NECTIN1: variants seen among roughly 807,000 people sequenced by gnomAD.
The protein encoded by NECTIN1 is nectin-1.
NECTIN1 carries 23 observed loss-of-function variants against 48.0 expected under a neutral mutation model. The observed-to-expected ratio is 0.48, with a 90% CI of 0.34 to 0.68. The LOEUF (loss-of-function observed/expected upper bound fraction) is 0.68, where lower values mean the gene tolerates loss of function less well. Ranked by LOEUF, NECTIN1 falls within the 30% of genes least tolerant of loss-of-function variation. The pLI is 0.01. For synonymous variants in NECTIN1, 270 were observed against 288.9 expected (o/e 0.93, Z 0.66); for missense variants, 591 against 709.9 (o/e 0.83, Z 1.90).
chr11:119,647,161 ATGTGTGTGTGTGTGTGTGTGTG>A lies in NECTIN1; in HGVS notation c.1004-7171_1004-7150del, dbSNP rs58590467. ...GATGAGGGGCCAGAGCTTGCGGCGC[ATGTGTGTGTGTGTGTGTGTGTG>A]TGTGTGTGTGTGTGTGTGTGTGTGT... On this transcript the variant is annotated intron_variant, in intron 5 of 7. Transcript: ENST00000341398. Among the ~76,000 whole-genome samples, 242 of 84,782 alleles carry A rather than the reference ATGTGTGTGTGTGTGTGTGTGTG, an allele frequency of 2.9e-3. 1 individual carries two copies. Among genetic ancestry groups the A allele is most frequent in the Middle Eastern group, 0.014 (2 of 144 alleles). The allele number at this position is 84,782 out of a possible 152,430, so 55.6% of individuals were successfully genotyped here.
chr11:119,692,500 C>T (rs923012179), intron 1 of NECTIN1, among the ~76,000 whole-genome samples: 2 of 152,158 alleles, frequency 1.3e-5, no homozygotes, highest in Non-Finnish European at 2.9e-5. Flanking sequence ...AAGGTTGGGC[C>T]CATGCCCTTA....
chr11:119,688,569 C>T (rs1865200271), intron 1 of NECTIN1, among the ~76,000 whole-genome samples: 2 of 152,188 alleles, frequency 1.3e-5, no homozygotes, highest in Non-Finnish European at 2.9e-5. Context: ...GCTGCATCTC[C>T]CATGGCAGGC....
In NECTIN1 at chr11:119,709,818, A is replaced by G. The variant is rs1313184730; in HGVS notation, c.79+18657T>C. 6.6e-6 allele frequency: 1 copy of G among 152,276 alleles called. No individual in the cohort carries two copies. The highest frequency in any genetic ancestry group is 1.5e-5 in the Non-Finnish European group (1 of 68,094). The allele number at this position is 152,276 out of a possible 1,614,324, so 9.4% of individuals were successfully genotyped here. ...TAGCTGGTTTTTCCCAGCATCCCCCAGGCCACTTCTCTCACCACAAACCTC... is the reference window on the plus strand; with the variant it reads ...TAGCTGGTTTTTCCCAGCATCCCCCGGGCCACTTCTCTCACCACAAACCTC... On this transcript the variant is annotated intron_variant, in intron 1 of 5. Coordinates refer to ENST00000264025, the MANE Select transcript of NECTIN1 (RefSeq NM_002855.5). The surrounding 1 kb of genome is among the most constrained non-coding windows in gnomAD (Gnocchi z 4.1).
At chr11:119,700,439 A>G (rs1406471673) in intron 1 of NECTIN1, among the ~76,000 whole-genome samples, 1 of 152,190 alleles carries the variant, frequency 6.6e-6, no homozygotes, top group Non-Finnish European at 1.5e-5. Flanking sequence ...TCTCTTTCCA[A>G]GCCTCAGTTT....
At chr11:119,638,702 G>A (rs1315957398) in intron 7 of NECTIN1, 9 of 1,599,070 alleles carry the variant, frequency 5.6e-6, no homozygotes, top group Non-Finnish European at 6.9e-6. Flanking sequence ...GCAGTCCAGG[G>A]ACCTTGTCCT....
At chr11:119,644,462 G>A (rs1250135813) in intron 5 of NECTIN1, among the ~76,000 whole-genome samples, 1 of 152,176 alleles carries the variant, frequency 6.6e-6, no homozygotes, top group Non-Finnish European at 1.5e-5. Flanking sequence ...GGTGGGAAGC[G>A]AGCCCAGACA....
intron 1 of NECTIN1, among the ~76,000 whole-genome samples, chr11:119,686,680 G>GCGAAAACC (rs757252648): frequency 2.7e-4 from 41 of 152,220 alleles, no homozygotes; most frequent in Admixed American, 1.3e-3. Flanking sequence ...TGCTGCCTCG[G>GCGAAAACC]CGAAAACCGC....
At chr11:119,701,341 G>T (rs3902806) in intron 1 of NECTIN1, among the ~76,000 whole-genome samples, 91,259 of 151,924 alleles carry the variant, frequency 0.6, 27,754 homozygotes, top group South Asian at 0.66. Context: ...AGTGCTTGTC[G>T]CAGGCCATCC....
chr11:119,718,764 T>C (rs1173076793), intron 1 of NECTIN1, among the ~76,000 whole-genome samples: 1 of 152,214 alleles, frequency 6.6e-6, no homozygotes, highest in Non-Finnish European at 1.5e-5. Context: ...CATTCCACTC[T>C]GGCACAGCCA....
intron 1 of NECTIN1, among the ~76,000 whole-genome samples, chr11:119,714,510 G>A (rs536825865): frequency 2.6e-5 from 4 of 152,226 alleles, no homozygotes; most frequent in Admixed American, 2.0e-4. Context: ...GCAGGCAGGT[G>A]GGGAGCACAG....
Position 119,683,573 on chromosome 11 carries a change from GGTGTGTGTGTGT to G in NECTIN1, c.80-4820_80-4809del, listed in dbSNP as rs66955603. Among the ~76,000 whole-genome samples, 9 of 143,676 alleles carry G rather than the reference GGTGTGTGTGTGT, an allele frequency of 6.3e-5. No individual in the cohort carries two copies. In the South Asian group the frequency reaches 6.9e-4, roughly 11 times the overall value. The allele number at this position is 143,676 out of a possible 152,430, so 94.3% of individuals were successfully genotyped here. A position where few individuals can be genotyped will look rare whatever the true frequency, so the allele number is the denominator to read the frequency against. ...AGAAACAGGGGCTTTGGGGATCCCGGGTGTGTGTGTGTGTGTGTGTGTGTGTGTGTGTGTGTG... is the reference window on the plus strand; with the variant it reads ...AGAAACAGGGGCTTTGGGGATCCCGGGTGTGTGTGTGTGTGTGTGTGTGTG... On this transcript the variant is annotated intron_variant, in intron 1 of 5. Transcript: ENST00000264025. This position sits in a 1 kb window ranked among gnomAD's most constrained non-coding sequence, Gnocchi z 4.0.
At chr11:119,728,423 C>T in intron 1 of NECTIN1, 52 bp downstream of exon 1, 1 of 1,511,162 alleles carries the variant, frequency 6.6e-7, no homozygotes, top group Non-Finnish European at 9.0e-7. Context: ...CGGCTCCCAG[C>T]CCCGGGGAGG....
intron 1 of NECTIN1, among the ~76,000 whole-genome samples, chr11:119,711,926 G>T (rs1245428448): frequency 6.6e-6 from 1 of 152,186 alleles, no homozygotes; most frequent in Non-Finnish European, 1.5e-5. Flanking sequence ...TGGCTGGATG[G>T]GTGTGGTGGT....
chr11:119,691,817 G>A (rs1865258453), intron 1 of NECTIN1, among the ~76,000 whole-genome samples: 1 of 152,132 alleles, frequency 6.6e-6, no homozygotes, highest in Admixed American at 6.5e-5. Context: ...GGAGTTTTCT[G>A]GGAGCCCTCC....
intron 1 of NECTIN1, among the ~76,000 whole-genome samples, chr11:119,726,938 G>T (rs1304253719): frequency 6.7e-6 from 1 of 148,758 alleles, no homozygotes; most frequent in Non-Finnish European, 1.5e-5. Context: ...TCCAGTGTGA[G>T]AAGACCTCTC....
At chr11:119,681,466 G>A (rs1219329109) in intron 1 of NECTIN1, among the ~76,000 whole-genome samples, 3 of 152,244 alleles carry the variant, frequency 2.0e-5, no homozygotes, top group Non-Finnish European at 4.4e-5. Context: ...CCCTGAAGGT[G>A]TGGAGGCAGG....
chr11:119,696,937 A>T (rs1865349320), intron 1 of NECTIN1, among the ~76,000 whole-genome samples: 1 of 152,036 alleles, frequency 6.6e-6, no homozygotes, highest in South Asian at 2.1e-4. Context: ...ATGCACTAAG[A>T]TCAACAGGAG....
At chr11:119,652,082 C>G (rs764200230) in intron 5 of NECTIN1, among the ~76,000 whole-genome samples, 30 of 152,182 alleles carry the variant, frequency 2.0e-4, no homozygotes, top group Non-Finnish European at 3.8e-4. Context: ...ACTGCCTGCC[C>G]TTCTCTTCCA....
Position 119,677,881 on chromosome 11 carries a change from T to A in NECTIN1, c.431-24A>T, listed in dbSNP as rs979325305. 6.2e-7 allele frequency: 1 copy of A among 1,610,756 alleles called. No individual in the cohort carries two copies. Among genetic ancestry groups the A allele is most frequent in the African/African-American group, 1.3e-5 (1 of 74,834 alleles). On this transcript the variant is annotated intron_variant, in intron 2 of 5. Transcript: ENST00000264025. The surrounding 1 kb of genome is among the most constrained non-coding windows in gnomAD (Gnocchi z 5.4). ...GGCTGCGAGGAAGCAGAGAGAGTGATGGGACTAGCCCTGTTGACTTGTCCA... is the reference window on the plus strand; with the variant it reads ...GGCTGCGAGGAAGCAGAGAGAGTGAAGGGACTAGCCCTGTTGACTTGTCCA...
Sources: gnomAD v4.1 joint callset for allele counts (sites outside exome capture counted in the v4.1 genomes callset) on GRCh38, gnomAD v4.1.1 for gene constraint, Gnocchi (gnomAD v3.1) non-coding constraint, MANE v1.5 for transcripts, NCBI Gene and HGNC (gene_info 2026-07-23, HGNC 2026-07-21) for gene names.